The following SCAPER variants were observed in gnomAD, a reference collection of about 807,000 sequenced individuals.
SCAPER encodes S phase cyclin A-associated protein in the endoplasmic reticulum.
Under a neutral mutation model 182.2 loss-of-function variants are expected in SCAPER, and 98 were observed. The observed-to-expected ratio is 0.54, with a 90% CI of 0.46 to 0.64. The LOEUF is 0.64. Ranked by LOEUF, SCAPER falls within the 30% of genes least tolerant of loss-of-function variation. The pLI is 0.00. For missense variants in SCAPER, 1,432 were observed against 1,690.0 expected, an observed-to-expected ratio of 0.85 and a Z score of 2.68; for synonymous variants, 605 against 564.6, an observed-to-expected ratio of 1.07 and a Z score of -1.01.
At chr15:76,563,335 T>C (rs961326428) in intron 23 of SCAPER, among the ~76,000 whole-genome samples, 1 of 152,118 alleles carries the variant, frequency 6.6e-6, no homozygotes, top group African/African-American at 2.4e-5. Context: ...TACATAATAA[T>C]AGAAAATACC....
intron 1 of SCAPER, among the ~76,000 whole-genome samples, chr15:76,894,501 C>T (rs1476628709): frequency 6.6e-6 from 1 of 151,574 alleles, no homozygotes; most frequent in Non-Finnish European, 1.5e-5. Context: ...CCTCAAAGAA[C>T]TAAAAAAAGA....
chr15:76,381,304 G>A, intron 28 of SCAPER, 74 bp downstream of exon 28: 1 of 1,226,436 alleles, frequency 8.2e-7, no homozygotes, highest in South Asian at 1.3e-5. Context: ...TTCAGGAGAA[G>A]AATCTGACAT....
At chr15:76,652,273 A>ATATATAT (rs1555519291) in intron 21 of SCAPER, among the ~76,000 whole-genome samples, 7 of 12,860 alleles carry the variant, frequency 5.4e-4, no homozygotes, top group Admixed American at 4.5e-3. Context: ...AAAAAAAAAA[A>ATATATAT]ATATATATAT....
At chr15:76,732,126 T>C (rs8023896) in intron 16 of SCAPER, among the ~76,000 whole-genome samples, 11,596 of 152,174 alleles carry the variant, frequency 0.076, 500 homozygotes, top group Middle Eastern at 0.11. Flanking sequence ...GAGTGCCATA[T>C]TGAACCATGC....
At chr15:76,666,001 T>C (rs1284706851) in intron 20 of SCAPER, among the ~76,000 whole-genome samples, 1 of 152,180 alleles carries the variant, frequency 6.6e-6, no homozygotes, top group African/African-American at 2.4e-5. Flanking sequence ...GCATATCAAT[T>C]GTGCCAATGC....
chr15:76,468,140 A>G (rs1047049164), intron 25 of SCAPER, among the ~76,000 whole-genome samples: 1 of 152,152 alleles, frequency 6.6e-6, no homozygotes, highest in African/African-American at 2.4e-5. Context: ...AGAAAAATGA[A>G]AATACACTCA....
chr15:76,528,641 C>T (rs967142616), intron 23 of SCAPER, among the ~76,000 whole-genome samples: 1 of 152,222 alleles, frequency 6.6e-6, no homozygotes, highest in African/African-American at 2.4e-5. Context: ...CAGGCTGCCA[C>T]CATCTCACTT....
At chr15:76,518,627 T>C (rs935850301) in intron 23 of SCAPER, among the ~76,000 whole-genome samples, 1 of 152,172 alleles carries the variant, frequency 6.6e-6, no homozygotes, top group African/African-American at 2.4e-5. Context: ...AAAAGGCTTA[T>C]GGGAGAAACA....
Position 76,800,269 on chromosome 15 carries a change from G to A in SCAPER, c.590C>T (p.Ala197Val). 1.2e-6 allele frequency: 2 copies of A among 1,611,220 alleles called. No homozygotes were observed. The highest frequency in any genetic ancestry group is 1.1e-5 in the South Asian group (1 of 90,772). The change falls in exon 7 of 32, where the codon GCT (alanine) becomes GTT (valine). Residue 197 changes from alanine to valine, a missense_variant. Ala to Val is a moderately conservative substitution (Grantham distance 64). Around this residue, in one of 5 missense-constraint regions of SCAPER, gnomAD observed 480 missense variants for 510.2 expected, o/e 0.94. Transcript: ENST00000563290. Reference sequence around the variant, plus strand: ...TCACCCAAAATTTAAGCTTCGTCGAGCATTTGATGTTACATTTATTCTATC... The same window carrying A: ...TCACCCAAAATTTAAGCTTCGTCGAACATTTGATGTTACATTTATTCTATC... ...STDRINVTSN[A>V]RRSLNFGGST...
chr15:76,678,309 C>T (rs781701074), intron 20 of SCAPER, among the ~76,000 whole-genome samples: 2 of 152,150 alleles, frequency 1.3e-5, no homozygotes, highest in Middle Eastern at 6.8e-3. Flanking sequence ...ATTAGTGCAA[C>T]GGTTTTCACA....
At chr15:76,641,688 A>G (rs956118799) in intron 21 of SCAPER, among the ~76,000 whole-genome samples, 1 of 152,212 alleles carries the variant, frequency 6.6e-6, no homozygotes, top group Non-Finnish European at 1.5e-5. Context: ...CAGCAGGAAC[A>G]AGAAAAGGAG....
At chr15:76,856,992 T>C (rs1206813161) in intron 4 of SCAPER, among the ~76,000 whole-genome samples, 1 of 152,196 alleles carries the variant, frequency 6.6e-6, no homozygotes, top group East Asian at 1.9e-4. Flanking sequence ...GTCCAAAATT[T>C]TATTAGAGCT....
intron 23 of SCAPER, among the ~76,000 whole-genome samples, chr15:76,516,445 T>C (rs556323912): frequency 2.0e-5 from 3 of 150,256 alleles, no homozygotes; most frequent in East Asian, 2.0e-4. Context: ...TTCCCACTTA[T>C]GAGTGAAAAC....
chr15:76,758,771 T>A (rs1048696818), intron 14 of SCAPER, among the ~76,000 whole-genome samples: 3 of 152,202 alleles, frequency 2.0e-5, no homozygotes, highest in African/African-American at 7.2e-5. Flanking sequence ...CATAAATTTA[T>A]AATTTTCACT....
In SCAPER at chr15:76,765,170, A is replaced by T. The variant is rs1598595016; in HGVS notation, c.1614-98T>A. ...CTTCATAGTTCTTAAAGTATACAAA[A>T]CTAATTTTGGCCCAACATTTCGGGA... On this transcript the variant is annotated intron_variant, in intron 13 of 31. Coordinates refer to ENST00000563290, the MANE Select transcript of SCAPER (RefSeq NM_020843.4). 7 of 1,087,932 alleles carry T rather than the reference A, an allele frequency of 6.4e-6. No homozygotes were observed. In the East Asian group the frequency reaches 1.8e-4, roughly 28 times the overall value. The allele number at this position is 1,087,932 out of a possible 1,614,324, so 67.4% of individuals were successfully genotyped here.
At chr15:76,443,101 G>A (rs2047730558) in intron 25 of SCAPER, among the ~76,000 whole-genome samples, 1 of 152,178 alleles carries the variant, frequency 6.6e-6, no homozygotes, top group African/African-American at 2.4e-5. Flanking sequence ...GATGAATGGA[G>A]AAAATCAGAG....
intron 24 of SCAPER, among the ~76,000 whole-genome samples, chr15:76,498,012 AAAAAAAAAT>A (rs2040745542): frequency 1.4e-5 from 2 of 144,260 alleles, no homozygotes; most frequent in African/African-American, 5.2e-5. Flanking sequence ...AAAAAAAAAA[AAAAAAAAAT>A]AAGCACATGA....
chr15:76,813,097 G>C (rs1174960680), intron 5 of SCAPER, among the ~76,000 whole-genome samples: 1 of 151,648 alleles, frequency 6.6e-6, no homozygotes, highest in Non-Finnish European at 1.5e-5. Context: ...TGAGCTGCAA[G>C]GATGGTTCAA....
intron 23 of SCAPER, among the ~76,000 whole-genome samples, chr15:76,525,877 G>A (rs2043159818): frequency 1.3e-5 from 2 of 152,156 alleles, no homozygotes; most frequent in African/African-American, 4.8e-5. Context: ...ATACACCCAA[G>A]TAATGGGATT....
Sources: gnomAD v4.1 joint callset for allele counts (sites outside exome capture counted in the v4.1 genomes callset) on GRCh38, gnomAD v4.1.1 for gene constraint, gnomAD v4.1.1 regional missense constraint, MANE v1.5 for transcripts, NCBI Gene and HGNC (gene_info 2026-07-23, HGNC 2026-07-21) for gene names.